Variants in BRSK2 observed in about 807,000 individuals in gnomAD.
BRSK2 encodes serine/threonine-protein kinase BRSK2.
BRSK2 carries 19 observed loss-of-function variants against 83.3 expected under a neutral mutation model. The ratio of observed to expected loss-of-function variants is 0.23; its 90% CI spans 0.16 to 0.33. BRSK2 has a LOEUF of 0.33. Ranked by LOEUF, BRSK2 falls within the 10% of genes least tolerant of loss-of-function variation. The pLI is 1.00. For synonymous variants in BRSK2, 519 were observed against 435.4 expected, an observed-to-expected ratio of 1.19 and a Z score of -2.39; for missense variants, 798 against 1,042.3, an observed-to-expected ratio of 0.77 and a Z score of 3.23.
intron 1 of BRSK2, among the ~76,000 whole-genome samples, chr11:1,393,238 TG>T (rs1329034312): frequency 4.4e-5 from 6 of 135,912 alleles, no homozygotes; most frequent in Non-Finnish European, 8.1e-5. Flanking sequence ...GGGTGGCTTT[TG>T]TCCCTGCGCG....
At chr11:1,395,720 G>A (rs1846034226) in intron 1 of BRSK2, among the ~76,000 whole-genome samples, 1 of 152,236 alleles carries the variant, frequency 6.6e-6, no homozygotes, top group Non-Finnish European at 1.5e-5. Flanking sequence ...GCCCGGCCCT[G>A]ATCGTGCTGG....
chr11:1,456,257 G>T lies in BRSK2; in HGVS notation c.1669-91G>T, dbSNP rs556839857. 7.6e-6 allele frequency: 10 copies of T among 1,319,400 alleles called. No homozygotes were observed. The South Asian group carries it at 1.4e-4, about 18-fold the overall frequency. The allele number at this position is 1,319,400 out of a possible 1,614,324, so 81.7% of individuals were successfully genotyped here. ...GCCTGGGTGCTCACAATGTGTGCAC[G>T]GTGGGGCTGGCTCGCCCCAGGGCTG... On this transcript the variant is annotated intron_variant, in intron 16 of 19. Coordinates refer to ENST00000528841, the MANE Select transcript of BRSK2 (RefSeq NM_001256627.2).
In BRSK2 at chr11:1,445,281, C is replaced by T; in HGVS notation, c.813-13C>T. 6.2e-7 allele frequency: 1 copy of T among 1,600,072 alleles called. No individual in the cohort carries two copies. The highest frequency in any genetic ancestry group is 8.5e-7 in the Non-Finnish European group (1 of 1,172,400). ...CGGAGCTGATGAGCGGGTGGCCCGT[C>T]CTGTGTCCACAGAGGGGGCAAGAAT... is the stretch of plus-strand genomic sequence containing the variant. On this transcript the variant is annotated splice_polypyrimidine_tract_variant and intron_variant, in intron 9 of 19. Transcript: ENST00000528841.
intron 1 of BRSK2, among the ~76,000 whole-genome samples, chr11:1,418,542 G>C (rs558341687): frequency 0.018 from 2,647 of 146,868 alleles, 42 homozygotes; most frequent in Non-Finnish European, 0.025. Context: ...TCCTGCTTCT[G>C]TTGGCTGTTT....
intron 1 of BRSK2, among the ~76,000 whole-genome samples, chr11:1,402,499 G>A (rs1420930911): frequency 6.6e-6 from 1 of 152,200 alleles, no homozygotes; most frequent in Non-Finnish European, 1.5e-5. Context: ...CAAAGGGTGG[G>A]TGGTGCTGCG....
rs398015179 is a variant in BRSK2 at position 1,460,461 on chromosome 11, CTTTTTTT to C, written c.1988-28_1988-22del. 45 of 544,440 alleles carry C rather than the reference CTTTTTTT, an allele frequency of 8.3e-5. 1 individual carries two copies. Among genetic ancestry groups the C allele is most frequent in the East Asian group, 6.0e-4 (8 of 13,340 alleles). The allele number at this position is 544,440 out of a possible 1,614,324, so 33.7% of individuals were successfully genotyped here. A position where few individuals can be genotyped will look rare whatever the true frequency, so the allele number is the denominator to read the frequency against. On this transcript the variant is annotated intron_variant, in intron 19 of 19. Transcript: ENST00000528841. ...CTCTCCCCCTTTTTTTTCTTTTTTC[CTTTTTTT>C]TTTTTTTTTTGTCTCTGTTCTGTGT...
At chr11:1,404,816 G>A (rs925979634) in intron 1 of BRSK2, among the ~76,000 whole-genome samples, 1 of 152,196 alleles carries the variant, frequency 6.6e-6, no homozygotes, top group African/African-American at 2.4e-5. Flanking sequence ...TTACTGCTGC[G>A]ACGGCTCCTC....
At chr11:1,446,364 TGGGCTGAGCTGGGCA>T (rs1474308588) in intron 12 of BRSK2, among the ~76,000 whole-genome samples, 5 of 148,542 alleles carry the variant, frequency 3.4e-5, no homozygotes, top group South Asian at 2.1e-4. Flanking sequence ...TGGGCAGGGC[TGGGCTGAGCTGGGCA>T]GGGCTGGGCT....
chr11:1,460,938 G>C lies in BRSK2; in HGVS notation c.*215G>C. On this transcript the variant is annotated 3_prime_UTR_variant, in exon 20 of 20. Coordinates refer to ENST00000528841, the MANE Select transcript of BRSK2 (RefSeq NM_001256627.2). The stretch of plus-strand genomic sequence containing the variant: ...TCTGTCTCTGCCTCTGCCTGTCTCT[G>C]ACAGCATCGCTTGTTTCCACTCTGA... 2 of 1,612,162 alleles carry C rather than the reference G, an allele frequency of 1.2e-6. No individual in the cohort carries two copies. Among genetic ancestry groups the C allele is most frequent in the Non-Finnish European group, 1.7e-6 (2 of 1,179,374 alleles).
In BRSK2 at chr11:1,454,413, A is replaced by G. The variant is rs1364750941; in HGVS notation, c.1545-72A>G. ...TGGAAGATTCCGCCGTTCCAACCCC[A>G]GATTCGAGGGAGGCAGGGGTGTGGA... On this transcript the variant is annotated intron_variant, in intron 15 of 19. Coordinates refer to ENST00000528841, the MANE Select transcript of BRSK2 (RefSeq NM_001256627.2). The surrounding 1 kb of genome is among the most constrained non-coding windows in gnomAD (Gnocchi z 5.2). 18 of 1,569,844 alleles carry G rather than the reference A, an allele frequency of 1.1e-5. No individual in the cohort carries two copies. Among genetic ancestry groups the G allele is most frequent in the Non-Finnish European group, 1.5e-5 (17 of 1,145,812 alleles).
chr11:1,442,689 G>GC, intron 5 of BRSK2, 83 bp downstream of exon 5: 1 of 1,115,270 alleles, frequency 9.0e-7, no homozygotes, highest in Non-Finnish European at 1.3e-6. Context: ...GAGGCCCCCA[G>GC]CCTGCCTGAG....
chr11:1,393,371 C>T (rs1211884089), intron 1 of BRSK2, among the ~76,000 whole-genome samples: 1 of 152,132 alleles, frequency 6.6e-6, no homozygotes, highest in Non-Finnish European at 1.5e-5. Flanking sequence ...GAACCTCGGG[C>T]CCTTGGAGCT....
chr11:1,449,955 CA>C, intron 13 of BRSK2, 119 bp downstream of exon 13: 1 of 671,264 alleles, frequency 1.5e-6, no homozygotes, highest in Non-Finnish European at 2.6e-6. Flanking sequence ...AGGCGCCCCC[CA>C]TGCCCACGCT....
intron 1 of BRSK2, among the ~76,000 whole-genome samples, chr11:1,433,454 G>A (rs142092135): frequency 3.3e-5 from 5 of 152,354 alleles, no homozygotes; most frequent in East Asian, 3.9e-4. Context: ...CTTGGCCTCC[G>A]GCTGCATCCT....
intron 2 of BRSK2, among the ~76,000 whole-genome samples, chr11:1,436,801 T>G (rs1850366175): frequency 6.6e-6 from 1 of 151,856 alleles, no homozygotes; most frequent in South Asian, 2.1e-4. Context: ...TCTCCCTTCC[T>G]CTCCATTCGC....
chr11:1,437,763 G>C (rs979513802), intron 2 of BRSK2, among the ~76,000 whole-genome samples: 1 of 152,212 alleles, frequency 6.6e-6, no homozygotes, highest in Non-Finnish European at 1.5e-5. Flanking sequence ...CTGCCTGGAA[G>C]GGCCCTGCAT....
At chr11:1,448,583 C>A (rs1214387214) in intron 12 of BRSK2, among the ~76,000 whole-genome samples, 1 of 152,112 alleles carries the variant, frequency 6.6e-6, no homozygotes, top group African/African-American at 2.4e-5. Context: ...TCCTCGTGCC[C>A]AGTCACGAGC....
chr11:1,403,741 GAC>G (rs544078376), intron 1 of BRSK2, among the ~76,000 whole-genome samples: 301 of 152,300 alleles, frequency 2.0e-3, no homozygotes, highest in African/African-American at 7.0e-3. Flanking sequence ...ATGCTGGTGA[GAC>G]AGAAGTGGGC....
chr11:1,461,049 C>T lies in BRSK2; in HGVS notation c.*326C>T. The T allele has an allele frequency of 6.2e-7, 1 of 1,606,302 alleles. No individual in the cohort carries two copies. Among genetic ancestry groups the T allele is most frequent in the Non-Finnish European group, 8.5e-7 (1 of 1,176,328 alleles). ...AAGGCAGCTGCTGCGGACCCGCCCT[C>T]CCTCCGCTCCTGCTGTTGCTGCCGG... On this transcript the variant is annotated 3_prime_UTR_variant, in exon 20 of 20. Transcript: ENST00000528841.
Sources: gnomAD v4.1 joint callset for allele counts (sites outside exome capture counted in the v4.1 genomes callset) on GRCh38, gnomAD v4.1.1 for gene constraint, Gnocchi (gnomAD v3.1) non-coding constraint, MANE v1.5 for transcripts, NCBI Gene and HGNC (gene_info 2026-07-23, HGNC 2026-07-21) for gene names.